The following CDH12 variants were observed in gnomAD, a reference collection of about 807,000 sequenced individuals.
CDH12 encodes the protein cadherin 12.
CDH12 carries 41 observed loss-of-function variants against 74.1 expected under a neutral mutation model. That is an observed-to-expected ratio of 0.55 (90% CI 0.43 to 0.72). The LOEUF (loss-of-function observed/expected upper bound fraction) is 0.72, where lower values mean the gene tolerates loss of function less well. CDH12 is among the 30% of genes least tolerant of loss of function. The pLI is 0.00. For missense variants in CDH12, 945 were observed against 977.2 expected, an observed-to-expected ratio of 0.97 and a Z score of 0.44; for synonymous variants, 399 against 355.0, an observed-to-expected ratio of 1.12 and a Z score of -1.39.
At position 22,355,849 on chromosome 5, in the gene CDH12, A is replaced by T. The variant is rs377160268; in HGVS notation, c.-333+49408T>A. On this transcript the variant is annotated intron_variant, in intron 3 of 14. Coordinates refer to ENST00000382254, the MANE Select transcript of CDH12 (RefSeq NM_004061.5). ...CACATGCACAAATGTGTAGTTTAAA[A>T]GGAGTCAAGTTATTTATGACTAAAC... 3.3e-5 allele frequency among the ~76,000 whole-genome samples: 5 copies of T among 152,196 alleles called. No homozygotes were observed. The East Asian group carries it at 9.6e-4, about 29-fold the overall frequency.
intron 6 of CDH12, among the ~76,000 whole-genome samples, chr5:21,904,869 T>C (rs1340704974): frequency 6.6e-6 from 1 of 151,956 alleles, no homozygotes; most frequent in East Asian, 1.9e-4. Context: ...AGCTAACATA[T>C]TGAGATGTGG....
At chr5:22,169,210 C>A (rs1305953875) in intron 4 of CDH12, among the ~76,000 whole-genome samples, 1 of 150,336 alleles carries the variant, frequency 6.7e-6, no homozygotes, top group Non-Finnish European at 1.5e-5. Context: ...TTTTTTTTCA[C>A]TTTATCCTCT....
intron 3 of CDH12, among the ~76,000 whole-genome samples, chr5:22,394,952 A>G (rs2126429398): frequency 6.6e-6 from 1 of 152,258 alleles, no homozygotes; most frequent in African/African-American, 2.4e-5. Flanking sequence ...ATTGTTGCAT[A>G]TAGATTCACA....
intron 5 of CDH12, among the ~76,000 whole-genome samples, chr5:22,052,683 G>A (rs1035452020): frequency 1.3e-5 from 2 of 152,010 alleles, no homozygotes; most frequent in Admixed American, 1.3e-4. Context: ...TATAGGCATT[G>A]GTTGTTTTCT....
chr5:22,151,893 G>C (rs987841599), intron 4 of CDH12: 4 of 152,172 alleles, frequency 2.6e-5, no homozygotes, highest in Admixed American at 2.6e-4. Flanking sequence ...TTTGAAAACA[G>C]ATAGTTATGA....
At chr5:22,806,651 G>A (rs1748831142) in intron 1 of CDH12, among the ~76,000 whole-genome samples, 1 of 151,912 alleles carries the variant, frequency 6.6e-6, no homozygotes, top group South Asian at 2.1e-4. Flanking sequence ...ACCGCGCCCG[G>A]CCTAATGATT....
intron 7 of CDH12, among the ~76,000 whole-genome samples, chr5:21,843,263 T>G (rs577432789): frequency 6.6e-6 from 1 of 152,288 alleles, no homozygotes; most frequent in Admixed American, 6.5e-5. Context: ...ACATGCTACT[T>G]TCTTTAAGTA....
chr5:22,098,411 C>G (rs547147804), intron 4 of CDH12, among the ~76,000 whole-genome samples: 1 of 152,262 alleles, frequency 6.6e-6, no homozygotes, highest in Non-Finnish European at 1.5e-5. Flanking sequence ...ACACAAGAGC[C>G]AGGACCCCAC....
chr5:22,492,002 C>G (rs2126641742), intron 2 of CDH12, among the ~76,000 whole-genome samples: 1 of 152,268 alleles, frequency 6.6e-6, no homozygotes, highest in African/African-American at 2.4e-5. Flanking sequence ...CAATTAATTA[C>G]TTCTTTTAAA....
chr5:22,452,890 A>AAAAAAAAAAAAAAAT (rs1745106317), intron 2 of CDH12, among the ~76,000 whole-genome samples: 1 of 147,064 alleles, frequency 6.8e-6, no homozygotes, highest in African/African-American at 2.5e-5. Flanking sequence ...CAAAAAAAAA[A>AAAAAAAAAAAAAAAT]AAAAAAAAAA....
rs1388807287 is a variant in CDH12 at position 22,552,577 on chromosome 5, A to C, written c.-522-47213T>G. ...CCGTATAGCTGGAACTACAGGCACC[A>C]GCCACCACACCCGGCTAATTTTTGT... On this transcript the variant is annotated intron_variant, in intron 1 of 14. Coordinates refer to ENST00000382254, the MANE Select transcript of CDH12 (RefSeq NM_004061.5). Among the ~76,000 whole-genome samples the C allele has an allele frequency of 2.0e-5, 3 of 151,846 alleles. No homozygotes were observed. In the South Asian group the frequency reaches 6.2e-4, roughly 31 times the overall value.
At chr5:22,253,801 T>C (rs1306020672) in intron 3 of CDH12, among the ~76,000 whole-genome samples, 1 of 151,906 alleles carries the variant, frequency 6.6e-6, no homozygotes, top group African/African-American at 2.4e-5. Flanking sequence ...TTCTTTTGTA[T>C]TCTTATACTA....
At chr5:22,269,152 C>T (rs1736268431) in intron 3 of CDH12, among the ~76,000 whole-genome samples, 1 of 152,082 alleles carries the variant, frequency 6.6e-6, no homozygotes, top group Non-Finnish European at 1.5e-5. Flanking sequence ...TGCTTAAACA[C>T]TTCTTGACAA....
At chr5:22,074,717 C>G (rs1196400912) in intron 5 of CDH12, among the ~76,000 whole-genome samples, 3 of 152,140 alleles carry the variant, frequency 2.0e-5, no homozygotes, top group African/African-American at 7.2e-5. Flanking sequence ...AAATGCTCAT[C>G]ATCACTGGCC....
chr5:21,890,837 G>T (rs79353726), intron 6 of CDH12, among the ~76,000 whole-genome samples: 2,971 of 152,186 alleles, frequency 0.02, 78 homozygotes, highest in African/African-American at 0.057. Flanking sequence ...ATAGTAAGTA[G>T]TACTATTTAG....
chr5:22,348,356 A>T (rs575089509), intron 3 of CDH12, among the ~76,000 whole-genome samples: 1 of 152,312 alleles, frequency 6.6e-6, no homozygotes, highest in East Asian at 1.9e-4. Flanking sequence ...CCTAAGCTCC[A>T]TTTATTTTGA....
At chr5:22,237,996 T>A (rs920223026) in intron 3 of CDH12, among the ~76,000 whole-genome samples, 4 of 152,164 alleles carry the variant, frequency 2.6e-5, no homozygotes, top group Non-Finnish European at 5.9e-5. Context: ...GACCTTCTCT[T>A]CTCACTGGCA....
intron 3 of CDH12, among the ~76,000 whole-genome samples, chr5:22,314,139 G>C (rs1368349911): frequency 2.6e-5 from 4 of 152,110 alleles, no homozygotes; most frequent in Non-Finnish European, 5.9e-5. Context: ...TGAGATGTGT[G>C]TTATATATTC....
intron 3 of CDH12, among the ~76,000 whole-genome samples, chr5:22,279,112 T>C (rs545586582): frequency 6.6e-6 from 1 of 152,340 alleles, no homozygotes; most frequent in South Asian, 2.1e-4. Context: ...TATTTTTCTA[T>C]ACTGAAACAT....
Sources: allele counts gnomAD v4.1 joint callset (sites outside exome capture counted in the v4.1 genomes callset), GRCh38; gene constraint gnomAD v4.1.1; transcripts MANE v1.5; gene names NCBI Gene and HGNC (gene_info 2026-07-23, HGNC 2026-07-21).